Variants in TMCC1 observed in about 807,000 individuals in gnomAD.
The protein encoded by TMCC1 is transmembrane and coiled-coil domains protein 1.
TMCC1 carries 15 observed loss-of-function variants against 52.4 expected under a neutral mutation model. The observed-to-expected ratio is 0.29, with a 90% CI of 0.19 to 0.44. The LOEUF (loss-of-function observed/expected upper bound fraction) is 0.44, where lower values mean the gene tolerates loss of function less well. Among genes scored for constraint, TMCC1 ranks in the 20% least tolerant of loss-of-function variants. The probability of loss-of-function intolerance (pLI) is 1.00; values close to 1 mark genes in which losing one functional copy is unlikely to be tolerated. For missense variants in TMCC1, 503 were observed against 806.0 expected (o/e 0.62, Z 4.55); for synonymous variants, 279 against 301.9 (o/e 0.92, Z 0.79).
intron 4 of TMCC1, among the ~76,000 whole-genome samples, chr3:129,802,893 T>C (rs1361825732): frequency 6.6e-6 from 1 of 152,234 alleles, no homozygotes; most frequent in East Asian, 1.9e-4. Flanking sequence ...TATAACAGAA[T>C]ACCAAAGACT....
chr3:129,742,557 T>A (rs2051557995), intron 4 of TMCC1, among the ~76,000 whole-genome samples: 1 of 152,118 alleles, frequency 6.6e-6, no homozygotes, highest in Admixed American at 6.5e-5. Context: ...CAGATAATAA[T>A]AACAATTGGT....
At chr3:129,850,480 C>T (rs1269267256) in intron 2 of TMCC1, among the ~76,000 whole-genome samples, 1 of 152,166 alleles carries the variant, frequency 6.6e-6, no homozygotes, top group Non-Finnish European at 1.5e-5. Context: ...CAGGCAAAGG[C>T]TTAATCTCTG....
intron 4 of TMCC1, among the ~76,000 whole-genome samples, chr3:129,735,712 T>C (rs982178112): frequency 6.6e-6 from 1 of 150,466 alleles, no homozygotes; most frequent in Non-Finnish European, 1.5e-5. Flanking sequence ...CAAAAGTGCA[T>C]GTAAGAGAGC....
At chr3:129,746,746 T>C (rs1162378898) in intron 4 of TMCC1, among the ~76,000 whole-genome samples, 1 of 152,224 alleles carries the variant, frequency 6.6e-6, no homozygotes, top group Non-Finnish European at 1.5e-5. Flanking sequence ...CTATACCTAA[T>C]TCCCCTATAT....
intron 4 of TMCC1, among the ~76,000 whole-genome samples, chr3:129,728,291 T>A (rs899008767): frequency 6.6e-6 from 1 of 152,100 alleles, no homozygotes; most frequent in Non-Finnish European, 1.5e-5. Context: ...GTTTTTTTTG[T>A]TGTTGTTGTT....
At chr3:129,653,118 A>G (rs1192295420) in intron 6 of TMCC1, among the ~76,000 whole-genome samples, 1 of 152,198 alleles carries the variant, frequency 6.6e-6, no homozygotes, top group Non-Finnish European at 1.5e-5. Context: ...CTCCATGTCA[A>G]TACACAGAAT....
At chr3:129,720,481 AAAAAT>A (rs2049483462) in intron 4 of TMCC1, among the ~76,000 whole-genome samples, 1 of 152,142 alleles carries the variant, frequency 6.6e-6, no homozygotes, top group African/African-American at 2.4e-5. Flanking sequence ...GTTAAAAAGA[AAAAAT>A]AAAATAAAAC....
At chr3:129,672,229 A>G (rs1279479555) in intron 4 of TMCC1, among the ~76,000 whole-genome samples, 1 of 152,144 alleles carries the variant, frequency 6.6e-6, no homozygotes, top group African/African-American at 2.4e-5. Context: ...CAGGACAAAA[A>G]AATCCTTCAG....
At chr3:129,745,583 T>C (rs1326118412) in intron 4 of TMCC1, among the ~76,000 whole-genome samples, 1 of 152,212 alleles carries the variant, frequency 6.6e-6, no homozygotes, top group Non-Finnish European at 1.5e-5. Context: ...TTCTCCATTT[T>C]AGCTGCACAA....
intron 4 of TMCC1, among the ~76,000 whole-genome samples, chr3:129,733,021 A>T (rs762776802): frequency 1.2e-4 from 19 of 152,118 alleles, no homozygotes; most frequent in Non-Finnish European, 2.2e-4. Context: ...GAGAATGATA[A>T]ATTAAACCCT....
chr3:129,819,834 TGAA>T (rs2058321120), intron 4 of TMCC1: 1 of 152,104 alleles, frequency 6.6e-6, no homozygotes, highest in Non-Finnish European at 1.5e-5. Context: ...TCATGGCTTC[TGAA>T]GAAGATGACA....
chr3:129,825,064 G>A (rs1179944694), intron 4 of TMCC1, among the ~76,000 whole-genome samples: 1 of 151,972 alleles, frequency 6.6e-6, no homozygotes, highest in Non-Finnish European at 1.5e-5. Context: ...ATCACCCCGG[G>A]GTTAATCAAT....
intron 2 of TMCC1, among the ~76,000 whole-genome samples, chr3:129,854,980 T>C (rs1253366553): frequency 6.6e-6 from 1 of 152,220 alleles, no homozygotes; most frequent in Non-Finnish European, 1.5e-5. Context: ...AACAAATGCA[T>C]GAACCATGCT....
At chr3:129,680,937 T>G (rs2088919741) in intron 4 of TMCC1, among the ~76,000 whole-genome samples, 1 of 151,200 alleles carries the variant, frequency 6.6e-6, no homozygotes, top group Admixed American at 6.6e-5. Flanking sequence ...AGACTCTGAA[T>G]GGGAATCCCA....
chr3:129,702,884 C>T (rs995142532), intron 4 of TMCC1, among the ~76,000 whole-genome samples: 5 of 152,106 alleles, frequency 3.3e-5, no homozygotes, highest in African/African-American at 1.2e-4. Flanking sequence ...GGCGTGATAG[C>T]GTGCGCCTGT....
intron 4 of TMCC1, among the ~76,000 whole-genome samples, chr3:129,731,681 A>C (rs780572561): frequency 1.7e-4 from 26 of 151,740 alleles, no homozygotes; most frequent in Non-Finnish European, 3.7e-4. Context: ...CTGGCCCAAA[A>C]TTTTTTTACA....
chr3:129,820,793 C>T (rs1227552654), intron 4 of TMCC1, among the ~76,000 whole-genome samples: 4 of 152,112 alleles, frequency 2.6e-5, no homozygotes, highest in Admixed American at 1.3e-4. Context: ...TAAAAACAAT[C>T]GATGCTATTA....
intron 4 of TMCC1, among the ~76,000 whole-genome samples, chr3:129,746,272 G>A (rs1012624654): frequency 1.3e-5 from 2 of 151,982 alleles, no homozygotes; most frequent in African/African-American, 4.8e-5. Context: ...CCAGCTTCAA[G>A]TGATTCTCCT....
At chr3:129,755,032 C>T (rs772040687) in intron 4 of TMCC1, among the ~76,000 whole-genome samples, 8 of 152,010 alleles carry the variant, frequency 5.3e-5, no homozygotes, top group Non-Finnish European at 1.0e-4. Context: ...GAGCCGAGAT[C>T]GCACCACTGC....
Sources: gnomAD v4.1 joint callset for allele counts (sites outside exome capture counted in the v4.1 genomes callset) on GRCh38, gnomAD v4.1.1 for gene constraint, MANE v1.5 for transcripts, NCBI Gene and HGNC (gene_info 2026-07-23, HGNC 2026-07-21) for gene names.